HCFC1: variants seen among roughly 807,000 people sequenced by gnomAD.
The protein encoded by HCFC1 is host cell factor C1.
HCFC1 carries 7 observed loss-of-function variants against 105.5 expected under a neutral mutation model. The observed-to-expected ratio is 0.07, with a 90% confidence interval of 0.04 to 0.12. The LOEUF is 0.12. HCFC1 is among the 10% of genes least tolerant of loss of function. The pLI, the probability that HCFC1 is intolerant of heterozygous loss-of-function variation, is 1.00. For missense variants in HCFC1, 1,065 were observed against 1,823.6 expected, an observed-to-expected ratio of 0.58 and a Z score of 7.58; for synonymous variants, 918 against 828.1, an observed-to-expected ratio of 1.11 and a Z score of -1.86.
Position 153,953,113 on chromosome X carries a change from G to T in HCFC1, c.4498-155C>A, listed in dbSNP as rs1259865865. The T allele has an allele frequency of 2.1e-5, 11 of 522,062 alleles. No individual in the cohort carries two copies. In the East Asian group the frequency reaches 4.0e-4, roughly 19 times the overall value. The allele number at this position is 522,062 out of a possible 1,213,427, so 43.0% of individuals were successfully genotyped here. On this transcript the variant is annotated intron_variant, in intron 18 of 25. Transcript: ENST00000310441. ...CTTCTAGAAAGGGAGAGAAGCCCCT[G>T]TCAGAGGGGAGGAGAGGGGCCAGAG...
rs1428531079 is a variant in HCFC1 at position 153,957,897 on chromosome X, AG to A, written c.2029-12del. 5.1e-6 allele frequency: 6 copies of A among 1,181,718 alleles called. No homozygotes were observed. The highest frequency in any genetic ancestry group is 6.9e-6 in the Non-Finnish European group (6 of 869,168). ...GCCCAGATTGGAAATCTAAAAAGGA[AG>A]GGATGGAGCAAGGAGTGATCTGGAA... On this transcript the variant is annotated splice_polypyrimidine_tract_variant and intron_variant, in intron 11 of 25. Coordinates refer to ENST00000310441, the MANE Select transcript of HCFC1 (RefSeq NM_005334.3).
chrX:153,957,354 G>A lies in HCFC1; in HGVS notation c.2313C>T (p.Thr771=), dbSNP rs145183787. The change falls in exon 13 of 26, where the codon ACC becomes ACT. Residue 771 remains threonine (T), a synonymous_variant. Transcript: ENST00000310441. The part of the protein sequence containing the change: ...TKPGTTTIIK[T]IPMSAIITQA... Reference sequence around the variant, plus strand: ...GGGTGATGATGGCCGACATGGGGATGGTTTTGATGATGGTGGTCGTGCCGG... The same window carrying A: ...GGGTGATGATGGCCGACATGGGGATAGTTTTGATGATGGTGGTCGTGCCGG... 2.0e-4 allele frequency: 235 copies of A among 1,203,348 alleles called. No homozygotes were observed. In the African/African-American group the frequency reaches 3.6e-3, roughly 18 times the overall value.
intron 6 of HCFC1, among the ~76,000 whole-genome samples, 195 bp downstream of exon 6, chrX:153,961,347 G>A (rs1359960558): frequency 8.9e-6 from 1 of 112,223 alleles, no homozygotes; most frequent in African/African-American, 3.2e-5. Context: ...GGGCCATTTG[G>A]ATGGAGAGCT....
In HCFC1 at chrX:153,951,581, C is replaced by T. The variant is rs1557112482; in HGVS notation, c.5379+8G>A. On this transcript the variant is annotated splice_region_variant and intron_variant, in intron 21 of 25. Coordinates refer to ENST00000310441, the MANE Select transcript of HCFC1 (RefSeq NM_005334.3). ...ACGGACTCAGGAGCCCCAACACACCCGACTCACCACACCCAGGGACTCGAT... is the reference window on the plus strand; with the variant it reads ...ACGGACTCAGGAGCCCCAACACACCTGACTCACCACACCCAGGGACTCGAT... The T allele has an allele frequency of 5.0e-6, 6 of 1,206,137 alleles. No homozygotes were observed. Among genetic ancestry groups the T allele is most frequent in the East Asian group, 5.9e-5 (2 of 33,749 alleles).
chrX:153,969,783 AG>A (rs1430939363), intron 1 of HCFC1: 1 of 113,346 alleles, frequency 8.8e-6, no homozygotes, highest in African/African-American at 3.2e-5. Flanking sequence ...TGGGTTTTGC[AG>A]GGAGGCAGAA....
Position 153,954,769 on chromosome X carries a change from C to T in HCFC1, c.3630G>A (p.Gln1210=). The T allele has an allele frequency of 3.4e-6, 4 of 1,171,713 alleles. No homozygotes were observed. Among genetic ancestry groups the T allele is most frequent in the Non-Finnish European group, 4.6e-6 (4 of 875,912 alleles). Residue 1210 remains glutamine, a synonymous_variant, in exon 17 of 26, where the codon CAG becomes CAA. Coordinates refer to ENST00000310441, the MANE Select transcript of HCFC1 (RefSeq NM_005334.3). ...TGACTTTGCTGCTCAGAGGGGCCAA[C>T]TGCACAAAAGCAGGGCTGCGGCCCC... ...EPGGRSPAFV[Q]LAPLSSKVRL...
At position 153,957,901 on chromosome X, in the gene HCFC1, A is replaced by T; in HGVS notation, c.2029-15T>A. 2 of 1,180,177 alleles carry T rather than the reference A, an allele frequency of 1.7e-6. No individual in the cohort carries two copies. The highest frequency in any genetic ancestry group is 1.2e-6 in the Non-Finnish European group (1 of 866,710). On this transcript the variant is annotated splice_polypyrimidine_tract_variant and intron_variant, in intron 11 of 25. Transcript: ENST00000310441. ...AGATTGGAAATCTAAAAAGGAAGGG[A>T]TGGAGCAAGGAGTGATCTGGAAACC...
At position 153,950,948 on chromosome X, in the gene HCFC1, C is replaced by T. The variant is rs1557112265; in HGVS notation, c.5568G>A (p.Leu1856=). The stretch of plus-strand genomic sequence containing the variant: ...GAAACTTATAGGCTGTGCCTGGCTG[C>T]AGCTCCTGCTTCTTCAGCTGGTTAT... ...PDYNQLKKQE[L]QPGTAYKFRV... Residue 1856 remains leucine, a synonymous_variant, in exon 23 of 26, where the codon CTG becomes CTA. Transcript: ENST00000310441. 1 of 1,211,119 alleles carries T rather than the reference C, an allele frequency of 8.3e-7. No individual in the cohort carries two copies. Among genetic ancestry groups the T allele is most frequent in the Admixed American group, 2.2e-5 (1 of 46,132 alleles).
intron 22 of HCFC1, 56 bp downstream of exon 22, chrX:153,951,294 G>A (rs1159499868): frequency 2.4e-5 from 28 of 1,172,289 alleles, no homozygotes; most frequent in Non-Finnish European, 3.1e-5. Flanking sequence ...GCCCCGCTCA[G>A]GGTGGTGGAG....
intron 1 of HCFC1, among the ~76,000 whole-genome samples, chrX:153,966,312 C>T (rs1299466878): frequency 3.5e-5 from 4 of 112,898 alleles, no homozygotes; most frequent in African/African-American, 1.3e-4. Context: ...CTCTCCAGCA[C>T]CCACTCTGCG....
chrX:153,955,912 T>C (rs1201356493), intron 16 of HCFC1, among the ~76,000 whole-genome samples: 5 of 113,256 alleles, frequency 4.4e-5, no homozygotes, highest in Non-Finnish European at 9.4e-5. Flanking sequence ...TGCACACACA[T>C]GCAGACGAGC....
intron 1 of HCFC1, among the ~76,000 whole-genome samples, chrX:153,968,735 G>A (rs1297152656): frequency 1.2e-4 from 14 of 112,981 alleles, no homozygotes; most frequent in African/African-American, 4.5e-4. Context: ...GGAGCCGACT[G>A]TAATTAGGCC....
intron 1 of HCFC1, among the ~76,000 whole-genome samples, chrX:153,967,279 G>A (rs1253065213): frequency 1.8e-5 from 2 of 111,825 alleles, no homozygotes; most frequent in African/African-American, 6.5e-5. Context: ...TCAGCTGGGA[G>A]GGGAAGGTGG....
chrX:153,957,576 G>T (rs1557115474), intron 12 of HCFC1, 43 bp from the exon 13 acceptor site: 7 of 1,047,170 alleles, frequency 6.7e-6, no homozygotes, highest in African/African-American at 1.8e-5. Flanking sequence ...TCACTGCCAG[G>T]AAGGGAAGTG....
chrX:153,950,474 C>T lies in HCFC1; in HGVS notation c.5773G>A (p.Val1925Met), dbSNP rs1557112149. The change falls in exon 24 of 26, where the codon GTG (valine) becomes ATG (methionine). Residue 1925 changes from valine (V) to methionine (M), a missense_variant. Val to Met is a conservative substitution (Grantham distance 21). Transcript: ENST00000310441. Reference sequence around the variant, plus strand: ...TGTGAGCTCTGGATGGCCAGGTACACGGAGTACTCGATAATCTTGCCGGAG... The same window carrying T: ...TGTGAGCTCTGGATGGCCAGGTACATGGAGTACTCGATAATCTTGCCGGAG... The part of the protein sequence containing the change: ...VTSGKIIEYS[V>M]YLAIQSSQAG... 1 of 1,196,641 alleles carries T rather than the reference C, an allele frequency of 8.4e-7. No homozygotes were observed. The highest frequency in any genetic ancestry group is 1.1e-6 in the Non-Finnish European group (1 of 886,662).
chrX:153,959,899 G>C lies in HCFC1; in HGVS notation c.1347C>G (p.Pro449=). ...TGGTCGGGGGTGCGGGGGCAGCCTG[G>C]GGCAGGAGCGTGATGCCTACTTGGG... ...PLTQVGITLL[P]QAAPAPPTTT... Residue 449 remains proline, a synonymous_variant, in exon 8 of 26, where the codon CCC becomes CCG. Transcript: ENST00000310441. The C allele has an allele frequency of 8.3e-7, 1 of 1,204,258 alleles. No individual in the cohort carries two copies. The highest frequency in any genetic ancestry group is 1.1e-6 in the Non-Finnish European group (1 of 890,456).
intron 18 of HCFC1, 175 bp from the exon 19 acceptor site, chrX:153,953,133 C>A: frequency 2.0e-6 from 1 of 488,955 alleles, no homozygotes; most frequent in Non-Finnish European, 3.6e-6. Flanking sequence ...AGGAGAGGGG[C>A]CAGAGCCAGG....
chrX:153,949,744 C>T (rs1396293787), intron 24 of HCFC1, 128 bp from the exon 25 acceptor site: 4 of 589,625 alleles, frequency 6.8e-6, no homozygotes, highest in Non-Finnish European at 1.1e-5. Flanking sequence ...AAGGGTGGGG[C>T]GCCTGCCCTA....
chrX:153,955,172 G>C lies in HCFC1; in HGVS notation c.3227C>G (p.Ser1076Trp). Residue 1076 changes from serine (S) to tryptophan (W), a missense_variant, in exon 17 of 26, where the codon TCG (serine) becomes TGG (tryptophan). This residue lies in a region of HCFC1 where 546 missense variants were observed against 599.9 expected (regional missense o/e 0.91). Transcript: ENST00000310441. ...CTCGTGGGTCTCGCAGGGCGGGTTC[G>C]AACAGACTCGGACCACGCTACCATT... ...QQNGSVVRVC[S>W]NPPCETHETG... 1.7e-6 allele frequency: 2 copies of C among 1,211,547 alleles called. No homozygotes were observed. Among genetic ancestry groups the C allele is most frequent in the Non-Finnish European group, 2.2e-6 (2 of 895,265 alleles).
Sources: allele counts gnomAD v4.1 joint callset (sites outside exome capture counted in the v4.1 genomes callset), GRCh38; gene constraint gnomAD v4.1.1; regional missense constraint gnomAD v4.1.1; transcripts MANE v1.5; gene names NCBI Gene and HGNC (gene_info 2026-07-23, HGNC 2026-07-21).